ATG7: variants seen among roughly 807,000 people sequenced by gnomAD.
ATG7 encodes the protein autophagy related 7.
ATG7 carries 70 observed loss-of-function variants against 82.4 expected under a neutral mutation model. That is an observed-to-expected ratio of 0.85 (90% CI 0.70 to 1.04). The LOEUF is 1.04. Among genes scored for constraint, ATG7 ranks in the 50% least tolerant of loss-of-function variants. The pLI is 0.00. For synonymous variants in ATG7, 287 were observed against 313.0 expected (o/e 0.92, Z 0.88); for missense variants, 792 against 864.3 (o/e 0.92, Z 1.05).
intron 1 of ATG7, chr3:11,272,664 T>G (rs1940714489): frequency 1.3e-5 from 2 of 152,288 alleles, no homozygotes; most frequent in African/African-American, 4.8e-5. Flanking sequence ...TCTTCTGACT[T>G]GGAAGCTCGT....
chr3:11,277,954 T>C (rs775284372), intron 1 of ATG7, among the ~76,000 whole-genome samples: 2 of 142,304 alleles, frequency 1.4e-5, no homozygotes, highest in African/African-American at 2.6e-5. Flanking sequence ...TATTTCTTGC[T>C]AGGAAAAGAA....
At chr3:11,565,133 C>T in the ATG7 span, 13 of 1,087,192 alleles carry the variant, frequency 1.2e-5, no homozygotes, top group Admixed American at 2.0e-4. The surrounding 1 kb of genome is among the most constrained non-coding windows in gnomAD (Gnocchi z 4.1). Flanking sequence ...AAGCTCAGGT[C>T]GTGTGGCTGG....
rs2076365071 is a variant in ATG7 at position 11,362,804 on chromosome 3, T to G, written c.1684-9T>G. On this transcript the variant is annotated splice_polypyrimidine_tract_variant and intron_variant, in intron 16 of 20. Transcript: ENST00000693202. ...CGTTCTGCACACACCAATGATTGTT[T>G]CTTTGCAGTCAACCAGAGACCGGAC... is the stretch of plus-strand genomic sequence containing the variant. 6.2e-7 allele frequency: 1 copy of G among 1,613,140 alleles called. No homozygotes were observed. The highest frequency in any genetic ancestry group is 8.5e-7 in the Non-Finnish European group (1 of 1,179,420).
rs549505014 is a variant in ATG7 at position 11,535,528 on chromosome 3, G to A, written c.2080-19283G>A. On this transcript the variant is annotated intron_variant, in intron 20 of 20. Coordinates refer to ENST00000693202, the MANE Select transcript of ATG7 (RefSeq NM_001349232.2). ...GATTAGGGGGAGGTGGTGACAGTGG[G>A]ACAGTAGCCCTGCCTGGGGACTCTC... Among the ~76,000 whole-genome samples the A allele has an allele frequency of 2.6e-5, 4 of 152,280 alleles. No homozygotes were observed. The East Asian group carries it at 7.7e-4, about 29-fold the overall frequency.
rs61176051 is a variant in ATG7, at chr3:11,378,027, A to ATTTTTTTTTTTTTTTTTTTTTTTTTT, written c.1876-1927_1876-1926insTTTTTTTTTTTTTTTTTTTTTTTTTT. Among the ~76,000 whole-genome samples, 50 of 92,726 alleles carry ATTTTTTTTTTTTTTTTTTTTTTTTTT rather than the reference A, an allele frequency of 5.4e-4. 8 individuals carry two copies. The highest frequency in any genetic ancestry group is 2.2e-3 in the African/African-American group (41 of 18,716). 60.8% of individuals were successfully genotyped at this position (92,726 alleles called of 152,430 possible). The stretch of plus-strand genomic sequence containing the variant: ...GCTATCTAACTTATACCAGTTACCA[A>ATTTTTTTTTTTTTTTTTTTTTTTTTT]TTTTTTTTTTTTTTTTTTGAGATGG... On this transcript the variant is annotated intron_variant, in intron 18 of 20. Transcript: ENST00000693202.
At chr3:11,564,983 G>C in the ATG7 span, 2 of 1,530,126 alleles carry the variant, frequency 1.3e-6, no homozygotes, top group Non-Finnish European at 1.8e-6. Flanking sequence ...TCCGCTCCCG[G>C]GGGTCTCTGC....
intron 20 of ATG7, among the ~76,000 whole-genome samples, chr3:11,532,112 G>A (rs1341056319): frequency 2.6e-5 from 4 of 152,108 alleles, no homozygotes; most frequent in South Asian, 2.1e-4. Flanking sequence ...ACTGTGGGGC[G>A]CTGCAGGGCT....
chr3:11,561,518 CG>C (rs897450141), downstream of ATG7, among the ~76,000 whole-genome samples: 2 of 152,154 alleles, frequency 1.3e-5, no homozygotes, highest in Non-Finnish European at 2.9e-5. Context: ...CGTGAGCCCT[CG>C]TGGGACTGGC....
In ATG7 at chr3:11,545,456, C is replaced by T. The variant is rs76700699; in HGVS notation, c.2080-9355C>T. 2.1e-3 allele frequency among the ~76,000 whole-genome samples: 324 copies of T among 152,296 alleles called. 1 individual carries two copies. The highest frequency in any genetic ancestry group is 7.5e-3 in the African/African-American group (313 of 41,566). On this transcript the variant is annotated intron_variant, in intron 20 of 20. Transcript: ENST00000693202. ...TGGAGCGAGCCCTGCCTCCCATCCT[C>T]GGCTCCCGGCTGGAGAGTCTCCACG...
downstream of ATG7, among the ~76,000 whole-genome samples, chr3:11,560,778 G>T (rs2072913193): frequency 6.6e-6 from 1 of 152,196 alleles, no homozygotes; most frequent in African/African-American, 2.4e-5. Context: ...GAGCTGCCCA[G>T]GGTTCGTACG....
intron 11 of ATG7, among the ~76,000 whole-genome samples, chr3:11,339,295 C>CAAAAAAAA (rs1036935586): frequency 4.5e-5 from 4 of 89,612 alleles, no homozygotes; most frequent in South Asian, 3.8e-4. Flanking sequence ...GACTCTGTTT[C>CAAAAAAAA]AAAAAAAAAA....
intron 5 of ATG7, among the ~76,000 whole-genome samples, chr3:11,306,672 C>T (rs1043288119): frequency 3.3e-5 from 5 of 152,056 alleles, no homozygotes; most frequent in East Asian, 1.9e-4. Flanking sequence ...GAAAGAAGAA[C>T]AAATAGGAAA....
At chr3:11,549,388 A>G (rs1398920242) in intron 20 of ATG7, among the ~76,000 whole-genome samples, 2 of 152,106 alleles carry the variant, frequency 1.3e-5, no homozygotes, top group African/African-American at 4.8e-5. Flanking sequence ...CTCTTAGCAA[A>G]TTTCCAGTGT....
intron 20 of ATG7, among the ~76,000 whole-genome samples, chr3:11,470,163 C>T (rs1277682760): frequency 3.9e-5 from 6 of 152,118 alleles, no homozygotes; most frequent in Non-Finnish European, 8.8e-5. Flanking sequence ...TCTTTGTTTT[C>T]TAGCAGTGCA....
chr3:11,342,195 T>C lies in ATG7; in HGVS notation c.1041T>C (p.Thr347=). Residue 347 remains threonine, a synonymous_variant, in exon 13 of 21, where the codon ACT becomes ACC. Transcript: ENST00000693202. ...TGATGTGTTGGAGATTGGTTCCTAC[T>C]TTAGACTTGGACAAGGTTGTGTCTG... The part of the protein sequence containing the change: ...LKLMCWRLVP[T]LDLDKVVSVK... 6.2e-7 allele frequency: 1 copy of C among 1,613,666 alleles called. No individual in the cohort carries two copies.
intron 19 of ATG7, among the ~76,000 whole-genome samples, chr3:11,399,829 C>T (rs928701204): frequency 6.6e-6 from 1 of 152,178 alleles, no homozygotes; most frequent in African/African-American, 2.4e-5. Flanking sequence ...CCACCTCGGC[C>T]TCCCAAAGTG....
chr3:11,288,965 G>A (rs1944525474), intron 3 of ATG7, among the ~76,000 whole-genome samples: 1 of 152,120 alleles, frequency 6.6e-6, no homozygotes, highest in African/African-American at 2.4e-5. Flanking sequence ...TCATTACAGT[G>A]TTGAATCCCT....
chr3:11,510,398 T>A (rs1361280927), intron 20 of ATG7: 11 of 396,416 alleles, frequency 2.8e-5, no homozygotes, highest in African/African-American at 1.1e-4. Flanking sequence ...AAAAAAAAAA[T>A]CTGAGTTACT....
chr3:11,574,947 G>A, the ATG7 span, among the ~76,000 whole-genome samples: 2 of 151,998 alleles, frequency 1.3e-5, no homozygotes, highest in African/African-American at 4.8e-5. Flanking sequence ...TGTCGGCCGA[G>A]TTACCATCCA....
Sources: allele counts gnomAD v4.1 joint callset (sites outside exome capture counted in the v4.1 genomes callset), GRCh38; gene constraint gnomAD v4.1.1; non-coding constraint Gnocchi (gnomAD v3.1); transcripts MANE v1.5; gene names NCBI Gene and HGNC (gene_info 2026-07-23, HGNC 2026-07-21).